The following PHAF1 variants were observed in gnomAD, a reference collection of about 807,000 sequenced individuals.
PHAF1 encodes the protein phagophore assembly factor 1.
In PHAF1, 23 loss-of-function variants were observed where a neutral mutation model predicts 63.1. That is an observed-to-expected ratio of 0.36 (90% confidence interval 0.26 to 0.52). The LOEUF (loss-of-function observed/expected upper bound fraction) is 0.52. Ranked by LOEUF, PHAF1 falls within the 20% of genes least tolerant of loss-of-function variation. The pLI is 0.93. For synonymous variants in PHAF1, 167 were observed against 185.0 expected, an observed-to-expected ratio of 0.90 and a Z score of 0.79; for missense variants, 427 against 517.2, an observed-to-expected ratio of 0.83 and a Z score of 1.69.
intron 4 of PHAF1, 102 bp from the exon 5 acceptor site, chr16:67,132,344 C>T (rs1424310145): frequency 2.0e-6 from 2 of 1,022,308 alleles, no homozygotes. Context: ...ATTAGAGACT[C>T]ACCTGCCTGT....
chr16:67,113,511 G>A (rs1312634977), intron 1 of PHAF1, among the ~76,000 whole-genome samples: 3 of 149,204 alleles, frequency 2.0e-5, no homozygotes, highest in Admixed American at 1.3e-4. Context: ...GTGCAGTAGC[G>A]TGATTTTGGC....
intron 8 of PHAF1, among the ~76,000 whole-genome samples, chr16:67,137,566 G>A (rs143591215): frequency 0.012 from 1,750 of 152,146 alleles, 32 homozygotes; most frequent in African/African-American, 0.041. Flanking sequence ...TGATCCGCCC[G>A]CCTCAACCTC....
At chr16:67,146,964 C>CA in intron 15 of PHAF1, 81 bp from the exon 16 acceptor site, 1 of 1,314,210 alleles carries the variant, frequency 7.6e-7, no homozygotes, top group South Asian at 1.2e-5. Context: ...GTATGTCACA[C>CA]AACCTCCAGC....
intron 9 of PHAF1, 81 bp from the exon 10 acceptor site, chr16:67,140,430 A>G (rs1357116011): frequency 1.6e-6 from 2 of 1,232,898 alleles, no homozygotes; most frequent in Non-Finnish European, 2.4e-6. Flanking sequence ...TTACACATGG[A>G]ACACAATTTG....
chr16:67,120,008 C>A, intron 1 of PHAF1, 104 bp from the exon 2 acceptor site: 1 of 903,680 alleles, frequency 1.1e-6, no homozygotes, highest in Non-Finnish European at 1.7e-6. Flanking sequence ...TAGTAGCCCC[C>A]AAACATCCCC....
At chr16:67,120,068 A>C in intron 1 of PHAF1, 44 bp from the exon 2 acceptor site, 1 of 1,566,254 alleles carries the variant, frequency 6.4e-7, no homozygotes, top group Non-Finnish European at 8.8e-7. Context: ...ATGTCAATAG[A>C]TGGATAGCCA....
rs889236423 is a variant in PHAF1 at position 67,110,234 on chromosome 16, C to T, written c.59C>T (p.Thr20Met). The T allele has an allele frequency of 6.4e-6, 10 of 1,552,058 alleles. No individual in the cohort carries two copies. The highest frequency in any genetic ancestry group is 8.7e-6 in the Non-Finnish European group (10 of 1,147,302). ...CTGGGGAACGAGCAATGGGAATTCA[C>T]GCTGGGTGAGTTTGGGGTCCTCTGT... ...RSLGNEQWEFTLGMPLAQAVA... is the reference protein window; with the variant it reads ...RSLGNEQWEFMLGMPLAQAVA... Residue 20 changes from threonine to methionine, a missense_variant, in exon 1 of 16, where the codon ACG becomes ATG. Coordinates refer to ENST00000219139, the MANE Select transcript of PHAF1 (RefSeq NM_025187.5).
chr16:67,128,785 G>A (rs968578362), intron 3 of PHAF1, among the ~76,000 whole-genome samples: 16 of 152,330 alleles, frequency 1.1e-4, no homozygotes, highest in Non-Finnish European at 2.2e-4. Flanking sequence ...AGGATGGCCA[G>A]CACTCTGGGT....
intron 6 of PHAF1, among the ~76,000 whole-genome samples, chr16:67,133,573 G>A (rs964010896): frequency 3.3e-5 from 5 of 151,176 alleles, no homozygotes; most frequent in Admixed American, 2.6e-4. Flanking sequence ...TTGGGAGGCC[G>A]AGGCGGGCCT....
In PHAF1 at chr16:67,144,238, C is replaced by A. The variant is rs1171546369; in HGVS notation, c.880-56C>A. 8 of 1,321,612 alleles carry A rather than the reference C, an allele frequency of 6.1e-6. No individual in the cohort carries two copies. In the African/African-American group the frequency reaches 1.0e-4, roughly 17 times the overall value. The allele number at this position is 1,321,612 out of a possible 1,614,324, so 81.9% of individuals were successfully genotyped here. On this transcript the variant is annotated intron_variant, in intron 10 of 15. Coordinates refer to ENST00000219139, the MANE Select transcript of PHAF1 (RefSeq NM_025187.5). The stretch of plus-strand genomic sequence containing the variant: ...CAAGTTGGACATGCCTTTGGAAAGG[C>A]CTCTGCCCTGCCTCAGTAACATTCC...
At chr16:67,140,970 G>A (rs77581787) in intron 10 of PHAF1, among the ~76,000 whole-genome samples, 1,931 of 152,292 alleles carry the variant, frequency 0.013, 20 homozygotes, top group Non-Finnish European at 0.016. Flanking sequence ...AGTGGGGTGT[G>A]CTTGTATATT....
intron 10 of PHAF1, 25 bp from the exon 11 acceptor site, chr16:67,144,269 T>G: frequency 6.4e-7 from 1 of 1,569,220 alleles, no homozygotes; most frequent in Non-Finnish European, 8.8e-7. Flanking sequence ...ATTCCCTCCT[T>G]GAGTACCCTT....
At chr16:67,140,261 T>C in intron 9 of PHAF1, 144 bp downstream of exon 9, 1 of 1,113,724 alleles carries the variant, frequency 9.0e-7, no homozygotes, top group Non-Finnish European at 1.3e-6. Context: ...TTCTAACCCC[T>C]GTAGTCCAAT....
chr16:67,146,197 A>G, intron 14 of PHAF1, 81 bp from the exon 15 acceptor site: 2 of 1,286,580 alleles, frequency 1.6e-6, no homozygotes, highest in South Asian at 1.2e-5. Context: ...CCAGTATCCC[A>G]TACCCCAGAA....
chr16:67,116,689 A>G (rs1226002030), intron 1 of PHAF1, among the ~76,000 whole-genome samples: 1 of 152,288 alleles, frequency 6.6e-6, no homozygotes, highest in African/African-American at 2.4e-5. Flanking sequence ...GTCTCTACCA[A>G]AAATTTAAAA....
intron 8 of PHAF1, among the ~76,000 whole-genome samples, chr16:67,137,844 C>G (rs2145876997): frequency 6.6e-6 from 1 of 152,308 alleles, no homozygotes; most frequent in Non-Finnish European, 1.5e-5. Context: ...TCACTGCTTA[C>G]ACTGTCAGCA....
intron 14 of PHAF1, 23 bp downstream of exon 14, chr16:67,145,651 C>CG: frequency 6.2e-7 from 1 of 1,603,762 alleles, no homozygotes; most frequent in Non-Finnish European, 8.5e-7. Context: ...TTGATGTCCC[C>CG]GGCCACCCCA....
At chr16:67,115,410 G>A (rs141774503) in intron 1 of PHAF1, among the ~76,000 whole-genome samples, 49 of 152,356 alleles carry the variant, frequency 3.2e-4, no homozygotes, top group African/African-American at 1.1e-3. Flanking sequence ...GCAGCAACAA[G>A]AGCTAATTCA....
Position 67,140,498 on chromosome 16 carries a change from T to A in PHAF1, c.796-13T>A, listed in dbSNP as rs776931392. ...GGGATGGATTTTAATTTATGGTTAT[T>A]TTTTCCCTACAGATGAAAATTCATT... is the stretch of plus-strand genomic sequence containing the variant. On this transcript the variant is annotated splice_polypyrimidine_tract_variant and intron_variant, in intron 9 of 15. Coordinates refer to ENST00000219139, the MANE Select transcript of PHAF1 (RefSeq NM_025187.5). The A allele has an allele frequency of 6.5e-7, 1 of 1,549,766 alleles. No homozygotes were observed. The highest frequency in any genetic ancestry group is 1.7e-5 in the Admixed American group (1 of 59,896).
Sources: allele counts gnomAD v4.1 joint callset (sites outside exome capture counted in the v4.1 genomes callset), GRCh38; gene constraint gnomAD v4.1.1; transcripts MANE v1.5; gene names NCBI Gene and HGNC (gene_info 2026-07-23, HGNC 2026-07-21).